Variants in KALRN observed in about 807,000 individuals in gnomAD.
The protein encoded by KALRN is kalirin RhoGEF kinase.
In KALRN, 70 loss-of-function variants were observed where a neutral mutation model predicts 353.7. The observed-to-expected ratio is 0.20, with a 90% CI of 0.16 to 0.24. The LOEUF is 0.24. Among genes scored for constraint, KALRN ranks in the 10% least tolerant of loss-of-function variants. The pLI, the probability that KALRN is intolerant of heterozygous loss-of-function variation, is 1.00. For synonymous variants in KALRN, 1,391 were observed against 1,434.8 expected, an observed-to-expected ratio of 0.97 and a Z score of 0.69; for missense variants, 2,791 against 3,756.7, an observed-to-expected ratio of 0.74 and a Z score of 6.72.
intron 1 of KALRN, among the ~76,000 whole-genome samples, chr3:124,063,190 C>A (rs533322657): frequency 2.2e-4 from 33 of 152,308 alleles, no homozygotes; most frequent in African/African-American, 7.5e-4. Flanking sequence ...TAGTCAAACA[C>A]TATATGCCAG....
Position 124,422,936 on chromosome 3 carries a change from GC to G in KALRN, c.2668del (p.Gln890SerfsTer106). The part of the protein sequence containing the change: ...NAEQTHKRLE[Q>X]CLQLRHLQAE... ...CAGAGCAGACTCATAAGCGGCTAGA[GC>G]AGTGCCTCCAATTACGTCACCTCCA... On this transcript the variant is annotated frameshift_variant, in exon 15 of 60. Coordinates refer to ENST00000682506, the MANE Select transcript of KALRN (RefSeq NM_001388419.1). LOFTEE classifies it high-confidence loss of function. 1 of 1,613,814 alleles carries G rather than the reference GC, an allele frequency of 6.2e-7. No homozygotes were observed. The highest frequency in any genetic ancestry group is 8.5e-7 in the Non-Finnish European group (1 of 1,179,770).
At chr3:124,049,444 A>G (rs1046704708) in intron 1 of KALRN, among the ~76,000 whole-genome samples, 1 of 152,210 alleles carries the variant, frequency 6.6e-6, no homozygotes, top group African/African-American at 2.4e-5. Context: ...TTGCCCTGCC[A>G]TACCTCATAG....
intron 34 of KALRN, among the ~76,000 whole-genome samples, chr3:124,606,999 C>A (rs2077414544): frequency 6.6e-6 from 1 of 152,212 alleles, no homozygotes; most frequent in Non-Finnish European, 1.5e-5. Flanking sequence ...TCTCTTTCTT[C>A]AGGGCCATTT....
intron 1 of KALRN, among the ~76,000 whole-genome samples, chr3:124,160,783 C>T (rs904925042): frequency 3.9e-5 from 6 of 152,150 alleles, no homozygotes; most frequent in African/African-American, 1.4e-4. Context: ...GGTCAGTGCC[C>T]TGTCTGAGCA....
intron 11 of KALRN, among the ~76,000 whole-genome samples, chr3:124,385,842 A>G (rs2088187998): frequency 6.6e-6 from 1 of 152,212 alleles, no homozygotes; most frequent in Non-Finnish European, 1.5e-5. Flanking sequence ...CACATTTAGC[A>G]TCATCTCTAA....
intron 34 of KALRN, among the ~76,000 whole-genome samples, chr3:124,601,995 C>T (rs1312214978): frequency 6.8e-6 from 1 of 147,948 alleles, no homozygotes; most frequent in Non-Finnish European, 1.5e-5. Flanking sequence ...CACTGCACTC[C>T]AGCCTGGACA....
At chr3:124,677,537 G>A in intron 49 of KALRN, 2 of 455,586 alleles carry the variant, frequency 4.4e-6, no homozygotes, top group South Asian at 1.6e-5. Context: ...GGCTGACAAA[G>A]CCATATATTC....
intron 33 of KALRN, among the ~76,000 whole-genome samples, chr3:124,501,676 T>C (rs972503653): frequency 6.6e-6 from 1 of 152,100 alleles, no homozygotes; most frequent in African/African-American, 2.4e-5. Flanking sequence ...ACCTGCACAC[T>C]GGGAGGCCAC....
chr3:124,443,108 C>T (rs2093719972), intron 19 of KALRN, among the ~76,000 whole-genome samples: 1 of 152,218 alleles, frequency 6.6e-6, no homozygotes, highest in Non-Finnish European at 1.5e-5. Flanking sequence ...TGCTATTCTA[C>T]ATAATCTTTA....
At chr3:124,402,860 T>C (rs1196739615) in intron 13 of KALRN, among the ~76,000 whole-genome samples, 2 of 152,188 alleles carry the variant, frequency 1.3e-5, no homozygotes, top group African/African-American at 2.4e-5. Context: ...TCAGATTAGA[T>C]TGTCATTGTT....
At chr3:124,345,494 A>C (rs1236815395) in intron 9 of KALRN, among the ~76,000 whole-genome samples, 1 of 151,994 alleles carries the variant, frequency 6.6e-6, no homozygotes, top group African/African-American at 2.4e-5. Context: ...AGTTCCTTTC[A>C]GTGCTGCCTT....
chr3:124,395,423 A>G, intron 12 of KALRN, 80 bp downstream of exon 12: 1 of 1,233,400 alleles, frequency 8.1e-7, no homozygotes, highest in East Asian at 2.6e-5. Context: ...TTGACTCAGC[A>G]AAATCTTGCT....
At chr3:124,274,032 C>T (rs2074440872) in intron 5 of KALRN, among the ~76,000 whole-genome samples, 1 of 152,228 alleles carries the variant, frequency 6.6e-6, no homozygotes, top group African/African-American at 2.4e-5. Context: ...GCCTCTTCCC[C>T]ACTGGGGGCC....
chr3:124,098,118 A>G (rs1254940735), intron 1 of KALRN, among the ~76,000 whole-genome samples: 1 of 152,166 alleles, frequency 6.6e-6, no homozygotes, highest in African/African-American at 2.4e-5. Flanking sequence ...TTTTTTGGTA[A>G]TGGGAAGAAT....
chr3:124,646,229 C>T (rs939266955), intron 37 of KALRN, among the ~76,000 whole-genome samples: 1 of 152,058 alleles, frequency 6.6e-6, no homozygotes, highest in Non-Finnish European at 1.5e-5. Context: ...TCCTCCTGTA[C>T]ACCAGGCTTT....
intron 1 of KALRN, among the ~76,000 whole-genome samples, chr3:124,217,736 T>C (rs2077480252): frequency 1.3e-5 from 2 of 152,156 alleles, no homozygotes; most frequent in African/African-American, 4.8e-5. Flanking sequence ...GACAGCGGCA[T>C]ACATGTCCTG....
chr3:124,127,152 T>A (rs1379493150), intron 1 of KALRN, among the ~76,000 whole-genome samples: 1 of 152,204 alleles, frequency 6.6e-6, no homozygotes. Context: ...ACTTGCCTTG[T>A]TATTGTCTTC....
At chr3:124,102,683 A>G (rs914548802) in intron 1 of KALRN, among the ~76,000 whole-genome samples, 6 of 152,174 alleles carry the variant, frequency 3.9e-5, no homozygotes, top group Admixed American at 6.5e-5. Context: ...ATTTCCCTCC[A>G]TTAAGAGTGG....
intron 2 of KALRN, among the ~76,000 whole-genome samples, chr3:124,228,301 A>C (rs554609231): frequency 1.3e-5 from 2 of 152,194 alleles, no homozygotes; most frequent in East Asian, 3.9e-4. Flanking sequence ...CTTCCCACCC[A>C]ACCTCAGCCC....
Sources: allele counts gnomAD v4.1 joint callset (sites outside exome capture counted in the v4.1 genomes callset), GRCh38; gene constraint gnomAD v4.1.1; transcripts MANE v1.5; gene names NCBI Gene and HGNC (gene_info 2026-07-23, HGNC 2026-07-21).